DPYS: variants seen among roughly 807,000 people sequenced by gnomAD.
DPYS encodes dihydropyrimidine amidohydrolase.
A neutral mutation model predicts 50.3 loss-of-function variants in DPYS; 39 were observed. That is an observed-to-expected ratio of 0.78 (90% confidence interval 0.60 to 1.01). DPYS has a LOEUF of 1.01. Among genes scored for constraint, DPYS ranks in the 50% least tolerant of loss-of-function variants. The pLI is 0.00. For synonymous variants in DPYS, 245 were observed against 250.7 expected (o/e 0.98, Z 0.22); for missense variants, 659 against 680.9 (o/e 0.97, Z 0.36).
rs1814445185 is a variant in DPYS at position 104,467,013 on chromosome 8, T to A, written c.-93A>T. ...GGGCTTGGGGTGCCCTCCTGCAAGGTCCCCACCGACAGCCCCCGAGCTCTG... is the reference window on the plus strand; with the variant it reads ...GGGCTTGGGGTGCCCTCCTGCAAGGACCCCACCGACAGCCCCCGAGCTCTG... On this transcript the variant is annotated 5_prime_UTR_variant, in exon 1 of 10. Transcript: ENST00000351513. The A allele has an allele frequency of 6.8e-6, 9 of 1,327,900 alleles. No individual in the cohort carries two copies. The highest frequency in any genetic ancestry group is 8.0e-5 in the Admixed American group (2 of 24,928). 82.3% of individuals were successfully genotyped at this position (1,327,900 alleles called of 1,614,324 possible).
At chr8:104,395,110 C>T (rs765617690) in intron 7 of DPYS, among the ~76,000 whole-genome samples, 1 of 151,918 alleles carries the variant, frequency 6.6e-6, no homozygotes, top group Non-Finnish European at 1.5e-5. Context: ...ATCCTCCCAC[C>T]TCAGCCTCCC....
chr8:104,428,028 C>A lies in DPYS; in HGVS notation c.1044G>T (p.Gly348=), dbSNP rs1161486502. 7 of 1,614,238 alleles carry A rather than the reference C, an allele frequency of 4.3e-6. No individual in the cohort carries two copies. Among genetic ancestry groups the A allele is most frequent in the Middle Eastern group, 1.6e-4 (1 of 6,062 alleles). ...ACATCCGATCTTCAACACCATTCAC[C>A]CCATTGGGGATCTTGGTAAAATCAT... The part of the protein sequence containing the change: ...GKDDFTKIPN[G]VNGVEDRMSV... The change falls in exon 6 of 10, where the codon GGG becomes GGT. Residue 348 remains glycine, a synonymous_variant. Coordinates refer to ENST00000351513, the MANE Select transcript of DPYS (RefSeq NM_001385.3).
chr8:104,451,799 T>C (rs941082963), intron 1 of DPYS, among the ~76,000 whole-genome samples: 1 of 152,236 alleles, frequency 6.6e-6, no homozygotes, highest in African/African-American at 2.4e-5. Flanking sequence ...ACTGTATCTC[T>C]AACTGCCCTG....
At chr8:104,466,414 G>C (rs1275275605) in intron 1 of DPYS, among the ~76,000 whole-genome samples, 1 of 152,232 alleles carries the variant, frequency 6.6e-6, no homozygotes, top group Non-Finnish European at 1.5e-5. Context: ...TAAAGGAGGA[G>C]TCGAGGGCAT....
At chr8:104,388,572 C>T (rs1256333746) in intron 8 of DPYS, among the ~76,000 whole-genome samples, 2 of 152,164 alleles carry the variant, frequency 1.3e-5, no homozygotes, top group Admixed American at 6.6e-5. Flanking sequence ...GTTGCTCTTA[C>T]ATTTTTCCCC....
At chr8:104,443,268 G>T in intron 4 of DPYS, among the ~76,000 whole-genome samples, 1 of 152,088 alleles carries the variant, frequency 6.6e-6, no homozygotes, top group Admixed American at 6.5e-5. Flanking sequence ...TCATTTCTTT[G>T]CCCAGTGCTT....
chr8:104,438,425 G>A (rs1165979001), intron 4 of DPYS, among the ~76,000 whole-genome samples: 1 of 152,160 alleles, frequency 6.6e-6, no homozygotes, highest in Non-Finnish European at 1.5e-5. Flanking sequence ...GTCTAAATAT[G>A]TAGCAAACTA....
chr8:104,452,348 G>T (rs567087031), intron 1 of DPYS, among the ~76,000 whole-genome samples: 1 of 152,170 alleles, frequency 6.6e-6, no homozygotes, highest in African/African-American at 2.4e-5. Flanking sequence ...AGAGACAGGA[G>T]GGATGTTGCA....
intron 5 of DPYS, 75 bp downstream of exon 5, chr8:104,429,470 G>A (rs1812872608): frequency 6.3e-7 from 1 of 1,599,530 alleles, no homozygotes; most frequent in Non-Finnish European, 8.6e-7. Context: ...GGAGGATCCA[G>A]ATGGGAGGAC....
intron 7 of DPYS, among the ~76,000 whole-genome samples, chr8:104,405,084 GA>G (rs1326938641): frequency 3.3e-5 from 5 of 152,116 alleles, no homozygotes; most frequent in African/African-American, 9.6e-5. Context: ...AAGGGATGGG[GA>G]AAAAAAAGTG....
At chr8:104,414,967 A>G (rs1333021218) in intron 7 of DPYS, among the ~76,000 whole-genome samples, 1 of 152,246 alleles carries the variant, frequency 6.6e-6, no homozygotes, top group Non-Finnish European at 1.5e-5. Flanking sequence ...GGAAGAAGAC[A>G]GAAGTGCTGA....
chr8:104,428,004 C>T lies in DPYS; in HGVS notation c.1068G>A (p.Met356Ile). 6.2e-7 allele frequency: 1 copy of T among 1,614,198 alleles called. No individual in the cohort carries two copies. The highest frequency in any genetic ancestry group is 8.5e-7 in the Non-Finnish European group (1 of 1,180,038). ...CCACGCCTTTTTCCCATATTACGGA[C>T]ATCCGATCTTCAACACCATTCACCC... is the stretch of plus-strand genomic sequence containing the variant. ...PNGVNGVEDRMSVIWEKGVHS... is the reference protein window; with the variant it reads ...PNGVNGVEDRISVIWEKGVHS... Residue 356 changes from methionine (M) to isoleucine (I), a missense_variant, in exon 6 of 10, where the codon ATG becomes ATA. Met to Ile is a conservative substitution (Grantham distance 10). Transcript: ENST00000351513.
chr8:104,406,915 C>T (rs565474698), intron 7 of DPYS, among the ~76,000 whole-genome samples: 1 of 152,324 alleles, frequency 6.6e-6, no homozygotes, highest in Middle Eastern at 3.4e-3. Flanking sequence ...TGGGTTACTT[C>T]TGGAATAGTT....
Position 104,399,290 on chromosome 8 carries a change from CAAA to C in DPYS, c.1236-6302_1236-6300del, listed in dbSNP as rs11323938. Among the ~76,000 whole-genome samples the C allele has an allele frequency of 1.6e-3, 121 of 74,896 alleles. 2 individuals are homozygous for C. Among genetic ancestry groups the C allele is most frequent in the African/African-American group, 4.8e-3 (87 of 18,056 alleles). 49.1% of individuals were successfully genotyped at this position (74,896 alleles called of 152,430 possible). ...TGGGCAACAGAGTGAGACTCCATCT[CAAA>C]AAAAAAAAAAAAAAAAACAACAACA... On this transcript the variant is annotated intron_variant, in intron 7 of 9. Coordinates refer to ENST00000351513, the MANE Select transcript of DPYS (RefSeq NM_001385.3).
intron 9 of DPYS, chr8:104,380,583 G>A (rs1045429984): frequency 1.3e-5 from 2 of 153,878 alleles, no homozygotes; most frequent in African/African-American, 4.8e-5. Flanking sequence ...GATGATACGA[G>A]GCACTTCAGA....
chr8:104,446,171 G>A (rs1031506620), intron 3 of DPYS, among the ~76,000 whole-genome samples: 4 of 152,134 alleles, frequency 2.6e-5, no homozygotes, highest in Non-Finnish European at 5.9e-5. Context: ...AATTTTCCAT[G>A]ATGTGATTCT....
At chr8:104,464,097 CG>C (rs1350077307) in intron 1 of DPYS, among the ~76,000 whole-genome samples, 1 of 152,048 alleles carries the variant, frequency 6.6e-6, no homozygotes, top group Non-Finnish European at 1.5e-5. Flanking sequence ...TATCTCTGAC[CG>C]TATCATTTTT....
chr8:104,396,416 A>T (rs1273282319), intron 7 of DPYS, among the ~76,000 whole-genome samples: 1 of 152,108 alleles, frequency 6.6e-6, no homozygotes, highest in East Asian at 1.9e-4. Flanking sequence ...AAAACATCTA[A>T]CAGAAGAAAT....
At chr8:104,397,068 A>C (rs1355824234) in intron 7 of DPYS, among the ~76,000 whole-genome samples, 2 of 152,178 alleles carry the variant, frequency 1.3e-5, no homozygotes, top group Non-Finnish European at 2.9e-5. Context: ...CTTCCAGCTG[A>C]AGCTGTAATT....
Sources: gnomAD v4.1 joint callset for allele counts (sites outside exome capture counted in the v4.1 genomes callset) on GRCh38, gnomAD v4.1.1 for gene constraint, MANE v1.5 for transcripts, NCBI Gene and HGNC (gene_info 2026-07-23, HGNC 2026-07-21) for gene names.